TOPAZ1: variants seen among roughly 807,000 people sequenced by gnomAD.
TOPAZ1 encodes the protein protein TOPAZ1.
Under a neutral mutation model 172.2 loss-of-function variants are expected in TOPAZ1, and 66 were observed. That is an observed-to-expected ratio of 0.38 (90% CI 0.31 to 0.47). The LOEUF is 0.47. Among genes scored for constraint, TOPAZ1 ranks in the 20% least tolerant of loss-of-function variants. The pLI is 0.99. For missense variants in TOPAZ1, 1,822 were observed against 1,972.4 expected, an observed-to-expected ratio of 0.92 and a Z score of 1.44; for synonymous variants, 681 against 683.9, an observed-to-expected ratio of 1.00 and a Z score of 0.07.
At chr3:44,324,869 G>C (rs1229440643) in intron 18 of TOPAZ1, among the ~76,000 whole-genome samples, 1 of 152,120 alleles carries the variant, frequency 6.6e-6, no homozygotes, top group Non-Finnish European at 1.5e-5. Context: ...TTTTTTAGCA[G>C]TGTGTTAAAG....
At chr3:44,289,854 T>C (rs1448607001) in intron 11 of TOPAZ1, among the ~76,000 whole-genome samples, 1 of 152,198 alleles carries the variant, frequency 6.6e-6, no homozygotes, top group African/African-American at 2.4e-5. Context: ...ATTCAAAATA[T>C]ATTTTGATAT....
At chr3:44,283,575 C>T (rs1700045119) in intron 9 of TOPAZ1, among the ~76,000 whole-genome samples, 2 of 152,158 alleles carry the variant, frequency 1.3e-5, no homozygotes, top group South Asian at 4.1e-4. Flanking sequence ...TGAATTTCCA[C>T]ATAAAATTCT....
At chr3:44,280,762 GA>G (rs1700014322) in intron 8 of TOPAZ1, among the ~76,000 whole-genome samples, 1 of 152,224 alleles carries the variant, frequency 6.6e-6, no homozygotes, top group Non-Finnish European at 1.5e-5. Flanking sequence ...TGGGGGCGCT[GA>G]GTCACTGCCA....
At position 44,245,063 on chromosome 3, in the gene TOPAZ1, ATTC is replaced by A. The variant is rs1699546959; in HGVS notation, c.2560_2562del (p.Leu854del). On this transcript the variant is annotated inframe_deletion, in exon 2 of 20. Coordinates refer to ENST00000309765, the MANE Select transcript of TOPAZ1 (RefSeq NM_001145030.2). ...TTTTTCAGAGGTAGGGTTTCCAGAT[ATTC>A]TTAAAGCATATGAAGATGACGTCCT... The A allele has an allele frequency of 6.4e-7, 1 of 1,551,686 alleles. No individual in the cohort carries two copies. Among genetic ancestry groups the A allele is most frequent in the East Asian group, 2.4e-5 (1 of 40,912 alleles).
chr3:44,256,694 G>C (rs1249625450), intron 4 of TOPAZ1, among the ~76,000 whole-genome samples: 1 of 152,084 alleles, frequency 6.6e-6, no homozygotes, highest in Non-Finnish European at 1.5e-5. Context: ...TTTGTTTGAG[G>C]GAAGGGGGAT....
chr3:44,307,210 C>G (rs1376530791), intron 15 of TOPAZ1, among the ~76,000 whole-genome samples: 1 of 151,934 alleles, frequency 6.6e-6, no homozygotes, highest in African/African-American at 2.4e-5. Flanking sequence ...TTAGTAGAGA[C>G]AGGGTTTCTC....
intron 8 of TOPAZ1, among the ~76,000 whole-genome samples, chr3:44,281,412 C>T (rs1226194751): frequency 1.3e-5 from 2 of 152,134 alleles, no homozygotes; most frequent in African/African-American, 2.4e-5. Context: ...TTTTTATAGT[C>T]CAATATTTCA....
chr3:44,300,109 A>T (rs1700252685), intron 12 of TOPAZ1, among the ~76,000 whole-genome samples: 1 of 146,308 alleles, frequency 6.8e-6, no homozygotes. Flanking sequence ...TAATAATAAT[A>T]AAATAAATAA....
chr3:44,247,824 T>G (rs547028100), intron 2 of TOPAZ1, among the ~76,000 whole-genome samples: 1 of 152,250 alleles, frequency 6.6e-6, no homozygotes. Context: ...TAATTTTTTT[T>G]GTACTTTTAG....
chr3:44,243,124 T>G lies in TOPAZ1; in HGVS notation c.618T>G (p.Thr206=). 6.5e-7 allele frequency: 1 copy of G among 1,549,578 alleles called. No homozygotes were observed. Among genetic ancestry groups the G allele is most frequent in the Non-Finnish European group, 8.7e-7 (1 of 1,145,832 alleles). ...VEFQDELYKN[T]PKYSCNILSP... is the part of the protein sequence containing the mutation. ...TCCAAGATGAACTGTACAAGAATACTCCAAAATATTCTTGTAATATCTTGT... is the reference window on the plus strand; with the variant it reads ...TCCAAGATGAACTGTACAAGAATACGCCAAAATATTCTTGTAATATCTTGT... Residue 206 remains threonine, a synonymous_variant, in exon 2 of 20, where the codon ACT becomes ACG. Coordinates refer to ENST00000309765, the MANE Select transcript of TOPAZ1 (RefSeq NM_001145030.2).
chr3:44,328,159 T>C (rs779792126), intron 18 of TOPAZ1, 91 bp from the exon 19 acceptor site: 4 of 710,246 alleles, frequency 5.6e-6, no homozygotes, highest in South Asian at 2.3e-5. Context: ...ACTTATTCTG[T>C]GTAAGTAATT....
Position 44,243,192 on chromosome 3 carries a change from G to A in TOPAZ1, c.686G>A (p.Cys229Tyr). The A allele has an allele frequency of 1.3e-6, 2 of 1,548,646 alleles. No homozygotes were observed. The highest frequency in any genetic ancestry group is 1.7e-6 in the Non-Finnish European group (2 of 1,146,010). Residue 229 changes from cysteine (C) to tyrosine (Y), a missense_variant, in exon 2 of 20, where the codon TGC (cysteine) becomes TAC (tyrosine). Cys to Tyr is a radical substitution (Grantham distance 194, BLOSUM62 -2). Around this residue, in one of 2 missense-constraint regions of TOPAZ1, gnomAD observed 1,489 missense variants for 1,490.8 expected, o/e 1.00. Transcript: ENST00000309765. ...ENNSVLKLRD[C>Y]NCFPHSKGCN... Reference sequence around the variant, plus strand: ...AATTCCGTTTTAAAATTACGTGATTGCAATTGTTTCCCCCATTCCAAGGGT... The same window carrying A: ...AATTCCGTTTTAAAATTACGTGATTACAATTGTTTCCCCCATTCCAAGGGT...
At chr3:44,267,289 C>CTTTT (rs71085610) in intron 6 of TOPAZ1, among the ~76,000 whole-genome samples, 153 bp downstream of exon 6, 2 of 104,630 alleles carry the variant, frequency 1.9e-5, no homozygotes, top group African/African-American at 7.7e-5. Flanking sequence ...TTACTTAGTA[C>CTTTT]TTTTTTTTTT....
At chr3:44,265,326 C>T (rs1699818374) in intron 5 of TOPAZ1, among the ~76,000 whole-genome samples, 1 of 152,132 alleles carries the variant, frequency 6.6e-6, no homozygotes, top group Admixed American at 6.5e-5. Context: ...CTTCGGGAGG[C>T]CAAGGTGGGT....
chr3:44,305,493 C>T (rs1700326603), intron 14 of TOPAZ1, among the ~76,000 whole-genome samples, 172 bp downstream of exon 14: 1 of 152,096 alleles, frequency 6.6e-6, no homozygotes, highest in African/African-American at 2.4e-5. Flanking sequence ...CCTCAGCCTC[C>T]CAAGTAGCTG....
chr3:44,290,100 A>G lies in TOPAZ1; in HGVS notation c.3682-671A>G, dbSNP rs139349127. 9.7e-3 allele frequency among the ~76,000 whole-genome samples: 1,471 copies of G among 152,046 alleles called. 10 individuals carry two copies. The highest frequency in any genetic ancestry group is 0.02 in the Middle Eastern group (6 of 294). ...TCAAGAGGATCATTTGAGCTGGGGC[A>G]ACTAATAAGACTGCCAGCTCACAAC... On this transcript the variant is annotated intron_variant, in intron 11 of 19. Coordinates refer to ENST00000309765, the MANE Select transcript of TOPAZ1 (RefSeq NM_001145030.2).
At chr3:44,256,418 T>C (rs752306196) in intron 4 of TOPAZ1, 140 bp downstream of exon 4, 15 of 761,712 alleles carry the variant, frequency 2.0e-5, no homozygotes, top group Non-Finnish European at 2.6e-5. Context: ...AGCCATGGGA[T>C]GTATCCCTTG....
chr3:44,292,529 A>C (rs1700148816), intron 12 of TOPAZ1, among the ~76,000 whole-genome samples: 2 of 140,400 alleles, frequency 1.4e-5, no homozygotes, highest in Non-Finnish European at 3.1e-5. Flanking sequence ...TGTATGCATC[A>C]AGGCTCAAGA....
chr3:44,312,935 T>C (rs936496942), intron 16 of TOPAZ1, among the ~76,000 whole-genome samples: 3 of 152,220 alleles, frequency 2.0e-5, no homozygotes, highest in South Asian at 2.1e-4. Flanking sequence ...TATCATTTGG[T>C]CACCCAGAAA....
Sources: allele counts gnomAD v4.1 joint callset (sites outside exome capture counted in the v4.1 genomes callset), GRCh38; gene constraint gnomAD v4.1.1; regional missense constraint gnomAD v4.1.1; transcripts MANE v1.5; gene names NCBI Gene and HGNC (gene_info 2026-07-23, HGNC 2026-07-21).